ARHGEF4: variants seen among roughly 807,000 people sequenced by gnomAD.
The protein encoded by ARHGEF4 is APC-stimulated guanine nucleotide exchange factor 1.
Under a neutral mutation model 162.0 loss-of-function variants are expected in ARHGEF4, and 119 were observed. The observed-to-expected ratio is 0.73, with a 90% CI of 0.63 to 0.86. The LOEUF (loss-of-function observed/expected upper bound fraction) is 0.86. Among genes scored for constraint, ARHGEF4 ranks in the 40% least tolerant of loss-of-function variants. ARHGEF4 has a pLI of 0.00. For missense variants in ARHGEF4, 2,488 were observed against 2,456.0 expected (o/e 1.01, Z -0.28); for synonymous variants, 1,014 against 979.9 (o/e 1.03, Z -0.65).
chr2:130,995,442 G>T (rs1006379757), intron 4 of ARHGEF4, among the ~76,000 whole-genome samples: 1 of 152,108 alleles, frequency 6.6e-6, no homozygotes, highest in Admixed American at 6.5e-5. Flanking sequence ...GTATATTAGT[G>T]CTAACGTTTG....
At chr2:130,967,875 C>T (rs958699843) in intron 4 of ARHGEF4, among the ~76,000 whole-genome samples, 2 of 152,184 alleles carry the variant, frequency 1.3e-5, no homozygotes, top group South Asian at 2.1e-4. Flanking sequence ...ATACCAGGCA[C>T]CAGCTTCCAG....
intron 4 of ARHGEF4, among the ~76,000 whole-genome samples, chr2:130,968,174 A>T (rs1343063674): frequency 6.6e-6 from 1 of 152,112 alleles, no homozygotes; most frequent in Non-Finnish European, 1.5e-5. Context: ...ACACAAAGTG[A>T]CTCTGATCAG....
intron 4 of ARHGEF4, among the ~76,000 whole-genome samples, chr2:130,959,873 C>A (rs571167501): frequency 2.0e-4 from 30 of 152,300 alleles, no homozygotes; most frequent in African/African-American, 6.7e-4. Flanking sequence ...AGAGCAGAAG[C>A]CTGTCTCTAG....
At chr2:130,983,835 G>C (rs550941017) in intron 4 of ARHGEF4, among the ~76,000 whole-genome samples, 113 of 152,148 alleles carry the variant, frequency 7.4e-4, no homozygotes, top group African/African-American at 2.6e-3. Flanking sequence ...ATTTTTAGTA[G>C]AGACGGGGTT....
At chr2:131,043,350 G>A in intron 10 of ARHGEF4, 102 bp from the exon 11 acceptor site, 1 of 1,526,448 alleles carries the variant, frequency 6.6e-7, no homozygotes, top group Non-Finnish European at 8.9e-7. Flanking sequence ...GGCGCTGCAG[G>A]CAAGGCCAGG....
intron 1 of ARHGEF4, among the ~76,000 whole-genome samples, chr2:130,865,391 C>T (rs1682200217): frequency 2.0e-5 from 3 of 152,338 alleles, no homozygotes; most frequent in Middle Eastern, 3.4e-3. Flanking sequence ...AATCTCTCTC[C>T]TGTTAATAAT....
At chr2:130,907,360 G>T (rs1053323113) in intron 1 of ARHGEF4, among the ~76,000 whole-genome samples, 1 of 151,616 alleles carries the variant, frequency 6.6e-6, no homozygotes, top group African/African-American at 2.4e-5. Context: ...GACTACAGGC[G>T]CCTGCCACCA....
At chr2:131,038,810 C>G (rs370255706) in intron 5 of ARHGEF4, 43 bp from the exon 6 acceptor site, 20 of 1,555,204 alleles carry the variant, frequency 1.3e-5, no homozygotes, top group Non-Finnish European at 1.7e-5. Context: ...GAGGCCCAGG[C>G]AGCCTCCCCC....
At chr2:130,872,813 C>T (rs1678577697) in intron 1 of ARHGEF4, among the ~76,000 whole-genome samples, 1 of 152,146 alleles carries the variant, frequency 6.6e-6, no homozygotes, top group Non-Finnish European at 1.5e-5. Flanking sequence ...CAGCACCTCA[C>T]GGGGCCTTGG....
intron 1 of ARHGEF4, among the ~76,000 whole-genome samples, chr2:130,899,355 C>T (rs955528425): frequency 3.3e-5 from 5 of 152,134 alleles, no homozygotes; most frequent in African/African-American, 9.7e-5. Context: ...TAATGAATGC[C>T]GCAGAAGAGT....
At chr2:130,965,706 G>A (rs1278178810) in intron 4 of ARHGEF4, among the ~76,000 whole-genome samples, 2 of 152,172 alleles carry the variant, frequency 1.3e-5, no homozygotes, top group Non-Finnish European at 2.9e-5. Flanking sequence ...CTGTCCCAGG[G>A]TAAGTGCGCC....
intron 1 of ARHGEF4, among the ~76,000 whole-genome samples, chr2:130,871,688 A>AT (rs1363052615): frequency 1.3e-5 from 2 of 151,900 alleles, no homozygotes; most frequent in African/African-American, 2.4e-5. Context: ...TCATCCCTTC[A>AT]TTTGTTGTCT....
intron 1 of ARHGEF4, among the ~76,000 whole-genome samples, chr2:130,871,374 A>G (rs1396604136): frequency 6.6e-6 from 1 of 151,988 alleles, no homozygotes; most frequent in East Asian, 1.9e-4. Flanking sequence ...TGTCTCTACT[A>G]AAAATACAAA....
At chr2:130,992,506 C>T (rs1454596656) in intron 4 of ARHGEF4, among the ~76,000 whole-genome samples, 2 of 152,138 alleles carry the variant, frequency 1.3e-5, no homozygotes, top group Non-Finnish European at 2.9e-5. Context: ...CGGGGAAGGT[C>T]TGCAGCTTCA....
chr2:130,874,911 A>G lies in ARHGEF4; in HGVS notation c.39+37919A>G, dbSNP rs553218900. ...GGTTTGAATTTCTTTGCTCAGCATTATTCTCTAGAGACTCATCCAAGTTGT... is the reference window on the plus strand; with the variant it reads ...GGTTTGAATTTCTTTGCTCAGCATTGTTCTCTAGAGACTCATCCAAGTTGT... On this transcript the variant is annotated intron_variant, in intron 1 of 13. Transcript: ENST00000409359. 3.3e-5 allele frequency among the ~76,000 whole-genome samples: 5 copies of G among 152,286 alleles called. No homozygotes were observed. The South Asian group carries it at 1.0e-3, about 32-fold the overall frequency.
chr2:130,964,206 G>A (rs1684831250), intron 4 of ARHGEF4: 1 of 985,242 alleles, frequency 1.0e-6, no homozygotes, highest in East Asian at 1.1e-4. Flanking sequence ...GCGGCGCCGT[G>A]TCCCGCTCCT....
chr2:131,002,492 C>G (rs1462855770), intron 4 of ARHGEF4, among the ~76,000 whole-genome samples: 2 of 151,920 alleles, frequency 1.3e-5, no homozygotes, highest in African/African-American at 2.4e-5. Flanking sequence ...GGGCGGATCA[C>G]GAGGTCAGGA....
At chr2:130,956,174 C>T (rs1003325547) in intron 4 of ARHGEF4, among the ~76,000 whole-genome samples, 7 of 152,202 alleles carry the variant, frequency 4.6e-5, no homozygotes, top group Non-Finnish European at 8.8e-5. Flanking sequence ...TGAACAGACA[C>T]TTCTCAAAAG....
intron 9 of ARHGEF4, 29 bp downstream of exon 9, chr2:131,041,491 C>G (rs749068698): frequency 5.0e-6 from 8 of 1,589,298 alleles, no homozygotes; most frequent in Non-Finnish European, 6.9e-6. Flanking sequence ...AGGGAGGCAG[C>G]CCACGCCTCT....
Sources: gnomAD v4.1 joint callset for allele counts (sites outside exome capture counted in the v4.1 genomes callset) on GRCh38, gnomAD v4.1.1 for gene constraint, MANE v1.5 for transcripts, NCBI Gene and HGNC (gene_info 2026-07-23, HGNC 2026-07-21) for gene names.